The following DGLUCY variants were observed in gnomAD, a reference collection of about 807,000 sequenced individuals.
The protein encoded by DGLUCY is D-glutamate cyclase.
Under a neutral mutation model 58.5 loss-of-function variants are expected in DGLUCY, and 58 were observed. The ratio of observed to expected loss-of-function variants is 0.99; its 90% CI spans 0.80 to 1.23. The LOEUF (loss-of-function observed/expected upper bound fraction) is 1.23, where lower values mean the gene tolerates loss of function less well. Ranked by LOEUF, DGLUCY falls within the 50% of genes most tolerant of loss-of-function variation. DGLUCY has a pLI of 0.00. For missense variants in DGLUCY, 779 were observed against 784.7 expected, an observed-to-expected ratio of 0.99 and a Z score of 0.09; for synonymous variants, 325 against 314.1, an observed-to-expected ratio of 1.03 and a Z score of -0.37.
chr14:91,174,999 T>C (rs1379689154), intron 6 of DGLUCY, among the ~76,000 whole-genome samples: 2 of 152,172 alleles, frequency 1.3e-5, no homozygotes, highest in Non-Finnish European at 2.9e-5. Context: ...TTTTTTTCTC[T>C]ACACGCTCAC....
chr14:91,187,647 A>C (rs1000556752), intron 8 of DGLUCY, among the ~76,000 whole-genome samples: 4 of 152,084 alleles, frequency 2.6e-5, no homozygotes, highest in Non-Finnish European at 5.9e-5. Context: ...GCTCCATCTG[A>C]GGATGCCCTC....
At chr14:91,100,653 G>C (rs1467859787) in intron 1 of DGLUCY, among the ~76,000 whole-genome samples, 1 of 152,190 alleles carries the variant, frequency 6.6e-6, no homozygotes, top group African/African-American at 2.4e-5. Flanking sequence ...GTGGTAATAA[G>C]GTGTGGTCCC....
In DGLUCY at chr14:91,170,113, G is replaced by C. The variant is rs769954031; in HGVS notation, c.368G>C (p.Gly123Ala). Residue 123 changes from glycine to alanine, a missense_variant, in exon 5 of 14, where the codon GGC (glycine) becomes GCC (alanine). By Grantham distance (60) the Gly-to-Ala change is moderately conservative. Transcript: ENST00000256324. ...QLKDMVAFFL[G>A]CSFSLEEALE... ...AAGGACATGGTGGCCTTCTTCCTGG[G>C]CTGCAGCTTCTCCCTGGAGGAGGCC... 1.9e-6 allele frequency: 3 copies of C among 1,613,180 alleles called. No homozygotes were observed. Among genetic ancestry groups the C allele is most frequent in the Non-Finnish European group, 2.5e-6 (3 of 1,180,038 alleles).
At chr14:91,078,978 A>C (rs2044077600) in intron 1 of DGLUCY, among the ~76,000 whole-genome samples, 1 of 151,480 alleles carries the variant, frequency 6.6e-6, no homozygotes. Flanking sequence ...ATCTCAGCTC[A>C]CTGCAACCTC....
chr14:91,172,124 G>A (rs1475419513), intron 5 of DGLUCY, among the ~76,000 whole-genome samples: 2 of 152,000 alleles, frequency 1.3e-5, no homozygotes, highest in Non-Finnish European at 2.9e-5. Flanking sequence ...CTGGAGTGGT[G>A]CAGTGGCACA....
At chr14:91,200,921 G>A (rs1043317937) in intron 11 of DGLUCY, among the ~76,000 whole-genome samples, 10 of 151,918 alleles carry the variant, frequency 6.6e-5, no homozygotes, top group South Asian at 2.1e-4. Flanking sequence ...AATTTTTTGC[G>A]GGCAGGGGGT....
intron 1 of DGLUCY, among the ~76,000 whole-genome samples, chr14:91,132,376 G>A (rs1045334543): frequency 3.9e-5 from 6 of 152,096 alleles, no homozygotes; most frequent in African/African-American, 9.7e-5. Flanking sequence ...ACCAGGCAGG[G>A]CAACATAGTG....
At chr14:91,062,640 A>C (rs1408707971) in intron 1 of DGLUCY, among the ~76,000 whole-genome samples, 1 of 142,250 alleles carries the variant, frequency 7.0e-6, no homozygotes, top group Non-Finnish European at 1.5e-5. Context: ...GGCAGTTAAA[A>C]AACAGGCAAT....
chr14:91,154,098 A>T lies in DGLUCY; in HGVS notation c.-81-3541A>T, dbSNP rs1424756977. On this transcript the variant is annotated intron_variant, in intron 1 of 13. Coordinates refer to ENST00000256324, the MANE Select transcript of DGLUCY (RefSeq NM_001102368.3). ...TTTTTGTATATTTAGTAAAGACAGG[A>T]TTTTGCCATGTTGGCCAGGCTGGTC... 2.6e-5 allele frequency among the ~76,000 whole-genome samples: 4 copies of T among 151,822 alleles called. No individual in the cohort carries two copies. The East Asian group carries it at 7.7e-4, about 29-fold the overall frequency.
At chr14:91,210,241 G>A (rs550502299) in intron 12 of DGLUCY, among the ~76,000 whole-genome samples, 9 of 152,264 alleles carry the variant, frequency 5.9e-5, no homozygotes, top group African/African-American at 2.2e-4. Context: ...AGTTGATGGG[G>A]GGGAGCATAA....
intron 1 of DGLUCY, among the ~76,000 whole-genome samples, chr14:91,084,935 A>G (rs1451783504): frequency 2.0e-5 from 3 of 152,090 alleles, no homozygotes; most frequent in Non-Finnish European, 2.9e-5. Context: ...TTTCAAAGTT[A>G]AAAGAGGGTG....
At chr14:91,207,010 T>C (rs937315907) in intron 12 of DGLUCY, among the ~76,000 whole-genome samples, 12 of 151,846 alleles carry the variant, frequency 7.9e-5, no homozygotes, top group African/African-American at 2.4e-4. Flanking sequence ...ATTTAAAAAT[T>C]AGCCAGGTGT....
At chr14:91,068,344 C>T (rs1595603338) in intron 1 of DGLUCY, among the ~76,000 whole-genome samples, 1 of 152,122 alleles carries the variant, frequency 6.6e-6, no homozygotes, top group Admixed American at 6.6e-5. Flanking sequence ...CAGAGGGATG[C>T]GCATCACATA....
intron 5 of DGLUCY, among the ~76,000 whole-genome samples, chr14:91,172,218 G>C (rs747248437): frequency 1.1e-4 from 16 of 152,086 alleles, no homozygotes; most frequent in Non-Finnish European, 2.4e-4. Flanking sequence ...CCATAGGCAT[G>C]TGCCAGCACA....
At chr14:91,166,720 A>C (rs934801976) in intron 3 of DGLUCY, among the ~76,000 whole-genome samples, 3 of 152,090 alleles carry the variant, frequency 2.0e-5, no homozygotes, top group African/African-American at 7.2e-5. Flanking sequence ...CTGTAGTTCC[A>C]GCTACTTGGC....
intron 3 of DGLUCY, among the ~76,000 whole-genome samples, chr14:91,162,616 G>T (rs980578312): frequency 1.5e-4 from 23 of 152,258 alleles, no homozygotes; most frequent in African/African-American, 5.5e-4. Flanking sequence ...GAAACAAAGG[G>T]CCGGGCACGG....
chr14:91,215,785 T>C, intron 13 of DGLUCY: 1 of 1,365,442 alleles, frequency 7.3e-7, no homozygotes. Flanking sequence ...CCTTCTAGTT[T>C]GACTTTGGGT....
At position 91,124,649 on chromosome 14, in the gene DGLUCY, G is replaced by A. The variant is rs149081154; in HGVS notation, c.-82+10366G>A. On this transcript the variant is annotated intron_variant, in intron 1 of 13. Transcript: ENST00000256324. Reference sequence around the variant, plus strand: ...TGGTTAATCAGAAACAAATCAGCCTGTTTCATAGAAGCCTTTGTTGTTTGT... The same window carrying A: ...TGGTTAATCAGAAACAAATCAGCCTATTTCATAGAAGCCTTTGTTGTTTGT... Among the ~76,000 whole-genome samples the A allele has an allele frequency of 7.9e-5, 12 of 152,338 alleles. No individual in the cohort carries two copies. The East Asian group carries it at 2.3e-3, about 29-fold the overall frequency.
At chr14:91,086,504 A>T (rs529809194) in intron 1 of DGLUCY, among the ~76,000 whole-genome samples, 1 of 152,224 alleles carries the variant, frequency 6.6e-6, no homozygotes, top group Admixed American at 6.5e-5. Flanking sequence ...TAAATGCTAT[A>T]TAGACCATTG....
Sources: gnomAD v4.1 joint callset for allele counts (sites outside exome capture counted in the v4.1 genomes callset) on GRCh38, gnomAD v4.1.1 for gene constraint, MANE v1.5 for transcripts, NCBI Gene and HGNC (gene_info 2026-07-23, HGNC 2026-07-21) for gene names.